Variants in PPP6R2 observed in about 807,000 individuals in gnomAD.
The protein encoded by PPP6R2 is protein phosphatase 6 regulatory subunit 2.
Under a neutral mutation model 100.2 loss-of-function variants are expected in PPP6R2, and 62 were observed. The observed-to-expected ratio is 0.62, with a 90% CI of 0.50 to 0.76. The LOEUF (loss-of-function observed/expected upper bound fraction) is 0.76. Ranked by LOEUF, PPP6R2 falls within the 30% of genes least tolerant of loss-of-function variation. The pLI, the probability that PPP6R2 is intolerant of heterozygous loss-of-function variation, is 0.00. For missense variants in PPP6R2, 1,142 were observed against 1,276.3 expected (o/e 0.89, Z 1.60); for synonymous variants, 525 against 514.7 (o/e 1.02, Z -0.27).
chr22:50,338,826 GGT>G (rs1265918831), upstream of PPP6R2, among the ~76,000 whole-genome samples: 13 of 119,752 alleles, frequency 1.1e-4, no homozygotes, highest in Non-Finnish European at 1.9e-4. Flanking sequence ...GTGTGTGTAG[GGT>G]GTGTGGTGTG....
At chr22:50,422,163 T>C in intron 8 of PPP6R2, 91 bp from the exon 9 acceptor site, 1 of 1,510,054 alleles carries the variant, frequency 6.6e-7, no homozygotes, top group Non-Finnish European at 9.0e-7. Flanking sequence ...TTAAAAGGGC[T>C]CTTTCTGGAA....
chr22:50,338,716 TGTG>T (rs2042332459), upstream of PPP6R2, among the ~76,000 whole-genome samples: 1 of 126,790 alleles, frequency 7.9e-6, no homozygotes, highest in African/African-American at 3.2e-5. Flanking sequence ...GGGTGTGTGG[TGTG>T]TGTGTGGTGT....
chr22:50,443,835 C>T, intron 22 of PPP6R2, 31 bp from the exon 23 acceptor site: 2 of 1,545,982 alleles, frequency 1.3e-6, no homozygotes, highest in Non-Finnish European at 1.8e-6. Flanking sequence ...GGTGGGGGTG[C>T]CCGTAACCGG....
At chr22:50,334,440 G>A in the PPP6R2 span, among the ~76,000 whole-genome samples, 1 of 151,996 alleles carries the variant, frequency 6.6e-6, no homozygotes, top group Non-Finnish European at 1.5e-5. Flanking sequence ...TTATAATATT[G>A]GATTAAAGAG....
chr22:50,424,046 T>C (rs2061671022), intron 10 of PPP6R2, among the ~76,000 whole-genome samples: 1 of 152,228 alleles, frequency 6.6e-6, no homozygotes. Context: ...GCAGTGCCTC[T>C]CCATCCCGCA....
intron 2 of PPP6R2, chr22:50,393,541 T>G (rs1488469244): frequency 2.1e-6 from 2 of 970,006 alleles, no homozygotes; most frequent in Non-Finnish European, 1.2e-6. Flanking sequence ...TGGGGGACAG[T>G]GTGGGGAAGG....
intron 6 of PPP6R2, 25 bp downstream of exon 6, chr22:50,416,182 C>T (rs757990996): frequency 1.1e-5 from 17 of 1,603,714 alleles, no homozygotes; most frequent in East Asian, 2.2e-5. Context: ...TACCGAGCTT[C>T]GTGCATCAGT....
rs1367515363 is a variant in PPP6R2 at position 50,359,825 on chromosome 22, G to T, written c.-147-12195G>T. Reference sequence around the variant, plus strand: ...TGATGTCTTTGGTTTTGGTATCAAGGTAATACTGGGACCCATAGAATGAGT... The same window carrying T: ...TGATGTCTTTGGTTTTGGTATCAAGTTAATACTGGGACCCATAGAATGAGT... On this transcript the variant is annotated intron_variant, in intron 1 of 23. Transcript: ENST00000612753. 2.0e-5 allele frequency among the ~76,000 whole-genome samples: 3 copies of T among 152,088 alleles called. No individual in the cohort carries two copies. In the East Asian group the frequency reaches 5.8e-4, roughly 29 times the overall value.
the PPP6R2 span, among the ~76,000 whole-genome samples, chr22:50,333,968 GGAGA>G: frequency 6.6e-6 from 1 of 152,054 alleles, no homozygotes; most frequent in Admixed American, 6.6e-5. Flanking sequence ...TAGCCAAGGT[GGAGA>G]GAGAGAGAGG....
chr22:50,339,796 TGG>T (rs1491358879), upstream of PPP6R2, among the ~76,000 whole-genome samples: 48 of 71,794 alleles, frequency 6.7e-4, 3 homozygotes, highest in African/African-American at 4.6e-3. Flanking sequence ...GTGGTGTGTG[TGG>T]GGTATGTGTG....
At chr22:50,391,409 G>A (rs530639097) in intron 2 of PPP6R2, among the ~76,000 whole-genome samples, 8 of 126,494 alleles carry the variant, frequency 6.3e-5, no homozygotes, top group Non-Finnish European at 1.1e-4. Flanking sequence ...CTCCAGCCTG[G>A]GCTACAGAGT....
intron 1 of PPP6R2, among the ~76,000 whole-genome samples, chr22:50,353,468 C>G (rs2045761052): frequency 6.6e-6 from 1 of 152,004 alleles, no homozygotes. Context: ...TTTCCCAAAA[C>G]AATTAAAATA....
chr22:50,437,955 C>T lies in PPP6R2; in HGVS notation c.1839+55C>T, dbSNP rs2064744324. ...CCACCCTTTTCCCAGGCAGCTCAGGCCATGCCCATGGCTCGGTCTGTCATG... is the reference window on the plus strand; with the variant it reads ...CCACCCTTTTCCCAGGCAGCTCAGGTCATGCCCATGGCTCGGTCTGTCATG... On this transcript the variant is annotated intron_variant, in intron 17 of 23. Coordinates refer to ENST00000612753, the MANE Select transcript of PPP6R2 (RefSeq NM_001242898.2). 4 of 1,562,608 alleles carry T rather than the reference C, an allele frequency of 2.6e-6. No homozygotes were observed. The Admixed American group carries it at 5.7e-5, about 22-fold the overall frequency.
Position 50,359,328 on chromosome 22 carries a change from C to G in PPP6R2, c.-147-12692C>G, listed in dbSNP as rs183264860. 3.8e-3 allele frequency among the ~76,000 whole-genome samples: 568 copies of G among 151,082 alleles called. 2 individuals carry two copies. Among genetic ancestry groups the G allele is most frequent in the African/African-American group, 0.013 (552 of 41,046 alleles). Reference sequence around the variant, plus strand: ...CTGCCTCCCGGCTTCATGCCATTCTCCTGCCTCAGCCTCCCGAGCAGCTGG... The same window carrying G: ...CTGCCTCCCGGCTTCATGCCATTCTGCTGCCTCAGCCTCCCGAGCAGCTGG... On this transcript the variant is annotated intron_variant, in intron 1 of 23. Transcript: ENST00000612753.
intron 13 of PPP6R2, among the ~76,000 whole-genome samples, 176 bp from the exon 14 acceptor site, chr22:50,436,191 G>A (rs1360401588): frequency 6.6e-6 from 1 of 152,238 alleles, no homozygotes; most frequent in Non-Finnish European, 1.5e-5. Flanking sequence ...CGGACACGCG[G>A]CTATGCTGCC....
intron 3 of PPP6R2, among the ~76,000 whole-genome samples, chr22:50,402,437 C>G (rs2058210147): frequency 6.6e-6 from 1 of 151,880 alleles, no homozygotes; most frequent in South Asian, 2.1e-4. Context: ...GGGACATGTC[C>G]CACTGCCCTG....
intron 10 of PPP6R2, among the ~76,000 whole-genome samples, chr22:50,428,929 T>C (rs1177625927): frequency 2.0e-5 from 3 of 152,230 alleles, no homozygotes; most frequent in African/African-American, 7.2e-5. Flanking sequence ...TCTTTCAGCA[T>C]TGAATATGTT....
intron 3 of PPP6R2, among the ~76,000 whole-genome samples, chr22:50,397,902 G>A (rs9628235): frequency 0.13 from 3,324 of 25,740 alleles, 109 homozygotes; most frequent in Non-Finnish European, 0.18. Context: ...GGATGGGGGC[G>A]GGGGGGCCTG....
In PPP6R2 at chr22:50,439,693, C is replaced by T; in HGVS notation, c.2129-8C>T. Reference sequence around the variant, plus strand: ...CCACGCCTGACCACTGTGTCTCTCCCCCAGCAGGCGCCATGTGGACGGCAG... The same window carrying T: ...CCACGCCTGACCACTGTGTCTCTCCTCCAGCAGGCGCCATGTGGACGGCAG... On this transcript the variant is annotated splice_polypyrimidine_tract_variant and splice_region_variant and intron_variant, in intron 19 of 23. Transcript: ENST00000612753. 1 of 1,573,350 alleles carries T rather than the reference C, an allele frequency of 6.4e-7. No homozygotes were observed. The highest frequency in any genetic ancestry group is 2.3e-5 in the East Asian group (1 of 42,796).
Sources: allele counts gnomAD v4.1 joint callset (sites outside exome capture counted in the v4.1 genomes callset), GRCh38; gene constraint gnomAD v4.1.1; transcripts MANE v1.5; gene names NCBI Gene and HGNC (gene_info 2026-07-23, HGNC 2026-07-21).